ACKR2: variants seen among roughly 807,000 people sequenced by gnomAD.
ACKR2 encodes C-C chemokine receptor D6.
For synonymous variants in ACKR2, 207 were observed against 192.2 expected (o/e 1.08, Z -0.64); for missense variants, 457 against 477.3 (o/e 0.96, Z 0.40).
intron 2 of ACKR2, among the ~76,000 whole-genome samples, chr3:42,858,016 G>A (rs2088341572): frequency 6.6e-6 from 1 of 152,246 alleles, no homozygotes; most frequent in African/African-American, 2.4e-5. Flanking sequence ...AAAGGCAGCA[G>A]CCCCAGTCAG....
chr3:42,860,163 G>GAAAAAA (rs2088367013), intron 2 of ACKR2, among the ~76,000 whole-genome samples: 2 of 4,930 alleles, frequency 4.1e-4, no homozygotes, highest in Non-Finnish European at 4.5e-4. Context: ...CAAATGGAAA[G>GAAAAAA]CAAAAAAAAA....
intron 1 of ACKR2, among the ~76,000 whole-genome samples, chr3:42,810,254 AATG>A (rs1475469861): frequency 2.0e-5 from 3 of 152,192 alleles, no homozygotes; most frequent in Non-Finnish European, 2.9e-5. Flanking sequence ...ATGTGATTGG[AATG>A]ATGAGTTAGG....
intron 2 of ACKR2, among the ~76,000 whole-genome samples, chr3:42,829,677 T>C (rs1337612590): frequency 6.6e-6 from 1 of 152,228 alleles, no homozygotes; most frequent in Non-Finnish European, 1.5e-5. Flanking sequence ...CTTGCCCTTC[T>C]TCCTATAGCA....
At chr3:42,815,084 C>T (rs1700736047) in intron 1 of ACKR2, among the ~76,000 whole-genome samples, 2 of 152,090 alleles carry the variant, frequency 1.3e-5, no homozygotes, top group Admixed American at 1.3e-4. Context: ...GAGGACCTTC[C>T]ATGTTAATTA....
At chr3:42,848,213 AT>A (rs36054454) in intron 2 of ACKR2, among the ~76,000 whole-genome samples, 8,295 of 74,324 alleles carry the variant, frequency 0.11, 144 homozygotes, top group South Asian at 0.19. Context: ...AAAAAAAAAA[AT>A]TTTTTTTTTT....
At position 42,865,635 on chromosome 3, in the gene ACKR2, A is replaced by G; in HGVS notation, c.1133A>G (p.Asp378Gly). ...RQSENYPNKE[D>G]VGNKSA is the part of the protein sequence containing the mutation. ...TCTGAGAACTACCCTAACAAGGAGGATGTGGGGAATAAATCAGCCTGAGTG... is the reference window on the plus strand; with the variant it reads ...TCTGAGAACTACCCTAACAAGGAGGGTGTGGGGAATAAATCAGCCTGAGTG... Residue 378 changes from aspartate to glycine, a missense_variant, in exon 3 of 3, where the codon GAT (aspartate) becomes GGT (glycine). Asp to Gly is a moderately conservative substitution (Grantham distance 94). Coordinates refer to ENST00000422265, the MANE Select transcript of ACKR2 (RefSeq NM_001296.5). 2.5e-6 allele frequency: 4 copies of G among 1,611,466 alleles called. No individual in the cohort carries two copies. The highest frequency in any genetic ancestry group is 2.5e-6 in the Non-Finnish European group (3 of 1,178,544).
chr3:42,829,923 CA>C (rs1700913457), intron 2 of ACKR2, among the ~76,000 whole-genome samples: 1 of 152,188 alleles, frequency 6.6e-6, no homozygotes, highest in African/African-American at 2.4e-5. Flanking sequence ...ACCCTATTCT[CA>C]AAAGAAAATC....
chr3:42,860,940 AC>A (rs1200251968), intron 2 of ACKR2, among the ~76,000 whole-genome samples: 1 of 152,244 alleles, frequency 6.6e-6, no homozygotes, highest in African/African-American at 2.4e-5. Flanking sequence ...GCCTAACATC[AC>A]AATTAAAAGA....
intron 2 of ACKR2, among the ~76,000 whole-genome samples, chr3:42,860,188 A>AAAAAAAAAAAAAAC (rs1559693615): frequency 6.8e-6 from 1 of 146,172 alleles, no homozygotes; most frequent in African/African-American, 2.6e-5. Flanking sequence ...AAAAAAAAAA[A>AAAAAAAAAAAAAAC]AGCAGGGGAT....
At chr3:42,813,661 G>C (rs1700717222) in intron 1 of ACKR2, among the ~76,000 whole-genome samples, 2 of 152,216 alleles carry the variant, frequency 1.3e-5, no homozygotes, top group South Asian at 4.1e-4. Context: ...ATGACAATTT[G>C]ACTTGAGATT....
Position 42,865,090 on chromosome 3 carries a change from C to T in ACKR2, c.588C>T (p.His196=), listed in dbSNP as rs754635770. 4.3e-6 allele frequency: 7 copies of T among 1,613,910 alleles called. No individual in the cohort carries two copies. The highest frequency in any genetic ancestry group is 3.3e-5 in the Admixed American group (2 of 60,004). ...HENPKGVWNC[H]ADFGGHGTIW... ...ATCCCAAGGGTGTGTGGAACTGCCA[C>T]GCAGATTTCGGCGGGCATGGGACCA... Residue 196 remains histidine (H), a synonymous_variant, in exon 3 of 3, where the codon CAC becomes CAT. Transcript: ENST00000422265.
At chr3:42,849,008 A>T (rs999657117) in intron 2 of ACKR2, among the ~76,000 whole-genome samples, 1 of 152,334 alleles carries the variant, frequency 6.6e-6, no homozygotes, top group Admixed American at 6.5e-5. Flanking sequence ...AGACTGAGGA[A>T]CTGCCCCAGA....
In ACKR2 at chr3:42,847,679, G is replaced by A. The variant is rs1361884678; in HGVS notation, c.-37-16787G>A. Among the ~76,000 whole-genome samples, 6 of 151,794 alleles carry A rather than the reference G, an allele frequency of 4.0e-5. No homozygotes were observed. In the South Asian group the frequency reaches 1.2e-3, roughly 32 times the overall value. On this transcript the variant is annotated intron_variant, in intron 2 of 2. Transcript: ENST00000422265. ...CCCATCAAAAACCAGGCTGTCAAGA[G>A]CTGCCAGACTCAAGAAGGGGCAATC...
Position 42,864,940 on chromosome 3 carries a change from C to T in ACKR2, c.438C>T (p.Ile146=), listed in dbSNP as rs1348842988. 2 of 1,613,996 alleles carry T rather than the reference C, an allele frequency of 1.2e-6. No homozygotes were observed. Among genetic ancestry groups the T allele is most frequent in the Non-Finnish European group, 1.7e-6 (2 of 1,180,034 alleles). The stretch of plus-strand genomic sequence containing the variant: ...TGAGCCTGGACAAGTACCTGGAGAT[C>T]GTTCATGCTCAGCCCTACCACAGGC... The part of the protein sequence containing the change: ...SCMSLDKYLE[I]VHAQPYHRLR... Residue 146 remains isoleucine (I), a synonymous_variant, in exon 3 of 3, where the codon ATC becomes ATT. Transcript: ENST00000422265.
intron 2 of ACKR2, among the ~76,000 whole-genome samples, chr3:42,846,876 A>C (rs1055483928): frequency 5.3e-5 from 8 of 152,328 alleles, no homozygotes; most frequent in African/African-American, 1.9e-4. Flanking sequence ...TCTGTCCTGG[A>C]ATCACTAACC....
chr3:42,857,042 A>G (rs1338666909), intron 2 of ACKR2, among the ~76,000 whole-genome samples: 3 of 151,986 alleles, frequency 2.0e-5, no homozygotes, highest in Non-Finnish European at 4.4e-5. Context: ...TTAACCGTGG[A>G]CAGTGACTTG....
chr3:42,822,093 A>G (rs1700814599), intron 2 of ACKR2, among the ~76,000 whole-genome samples: 1 of 152,016 alleles, frequency 6.6e-6, no homozygotes. Context: ...ACAAACACAT[A>G]CAACTTAGGT....
intron 2 of ACKR2, among the ~76,000 whole-genome samples, chr3:42,855,010 C>A (rs1025121269): frequency 6.6e-6 from 1 of 152,034 alleles, no homozygotes; most frequent in African/African-American, 2.4e-5. Flanking sequence ...GTGTGCACTA[C>A]CATGCCCGGC....
At chr3:42,835,528 G>C (rs1008965289) in intron 2 of ACKR2, 1 of 152,138 alleles carries the variant, frequency 6.6e-6, no homozygotes, top group Non-Finnish European at 1.5e-5. Flanking sequence ...TCACTCTCCT[G>C]AGTTTCGTGT....
Sources: allele counts gnomAD v4.1 joint callset (sites outside exome capture counted in the v4.1 genomes callset), GRCh38; gene constraint gnomAD v4.1.1; transcripts MANE v1.5; gene names NCBI Gene and HGNC (gene_info 2026-07-23, HGNC 2026-07-21).